The following PCSK2 variants were observed in gnomAD, a reference collection of about 807,000 sequenced individuals.
PCSK2 encodes proprotein convertase subtilisin/kexin type 2.
In PCSK2, 14 loss-of-function variants were observed where a neutral mutation model predicts 69.7. That is an observed-to-expected ratio of 0.20 (90% CI 0.13 to 0.31). PCSK2 has a LOEUF of 0.31. Ranked by LOEUF, PCSK2 falls within the 10% of genes least tolerant of loss-of-function variation. The pLI is 1.00. For synonymous variants in PCSK2, 307 were observed against 320.7 expected (o/e 0.96, Z 0.46); for missense variants, 544 against 842.5 (o/e 0.65, Z 4.39).
intron 8 of PCSK2, among the ~76,000 whole-genome samples, chr20:17,442,246 C>G (rs1328985745): frequency 6.6e-6 from 1 of 151,618 alleles, no homozygotes; most frequent in African/African-American, 2.4e-5. Flanking sequence ...GAGATGGATT[C>G]TATTCCTAGA....
chr20:17,474,482 C>A (rs1015815397), intron 11 of PCSK2, among the ~76,000 whole-genome samples: 1 of 152,200 alleles, frequency 6.6e-6, no homozygotes, highest in Non-Finnish European at 1.5e-5. Flanking sequence ...CTCCCTTGCA[C>A]CCTCTATCAC....
chr20:17,393,825 T>C (rs1232766897), intron 5 of PCSK2, among the ~76,000 whole-genome samples: 1 of 152,088 alleles, frequency 6.6e-6, no homozygotes, highest in East Asian at 1.9e-4. Flanking sequence ...TAGCTAAGTG[T>C]GGTATAAATA....
At chr20:17,466,234 T>C (rs567530751) in intron 11 of PCSK2, among the ~76,000 whole-genome samples, 2 of 152,324 alleles carry the variant, frequency 1.3e-5, no homozygotes, top group East Asian at 3.9e-4. Flanking sequence ...GCCATATTCT[T>C]ACTTCTAACT....
At chr20:17,290,125 G>A (rs1279999009) in intron 2 of PCSK2, among the ~76,000 whole-genome samples, 2 of 152,204 alleles carry the variant, frequency 1.3e-5, no homozygotes, top group Non-Finnish European at 2.9e-5. Flanking sequence ...TTTAGTGAAA[G>A]CAATTTTTTT....
rs774361715 is a variant in PCSK2 at position 17,433,812 on chromosome 20, T to TCTCTCTCTCTCTCTC, written c.710-2895_710-2894insTCTCTCTCTCTCTCC. ...CTCTCTCTCTCTCTCTCTCTCTCTC[T>TCTCTCTCTCTCTCTC]CCCCCCACTTCCTTCCCTCCTCCTC... On this transcript the variant is annotated intron_variant, in intron 7 of 11. Coordinates refer to ENST00000262545, the MANE Select transcript of PCSK2 (RefSeq NM_002594.5). 1.2e-4 allele frequency among the ~76,000 whole-genome samples: 12 copies of TCTCTCTCTCTCTCTC among 104,170 alleles called. 1 individual carries two copies. Among genetic ancestry groups the TCTCTCTCTCTCTCTC allele is most frequent in the South Asian group, 3.6e-4 (1 of 2,740 alleles). The allele number at this position is 104,170 out of a possible 152,430, so 68.3% of individuals were successfully genotyped here.
At chr20:17,477,961 C>T (rs1331353879) in intron 11 of PCSK2, among the ~76,000 whole-genome samples, 1 of 152,188 alleles carries the variant, frequency 6.6e-6, no homozygotes, top group African/African-American at 2.4e-5. Context: ...TTATTCCACT[C>T]AATTTGAACC....
At chr20:17,412,007 C>T (rs1051594861) in intron 6 of PCSK2, among the ~76,000 whole-genome samples, 9 of 152,162 alleles carry the variant, frequency 5.9e-5, no homozygotes, top group Admixed American at 2.6e-4. Context: ...GACATCCACA[C>T]GAAAACCCCA....
At chr20:17,261,343 C>G (rs879664337) in intron 2 of PCSK2, among the ~76,000 whole-genome samples, 1 of 152,160 alleles carries the variant, frequency 6.6e-6, no homozygotes, top group Non-Finnish European at 1.5e-5. Context: ...AATCTGAAAA[C>G]TCATTCTTGT....
At chr20:17,411,199 A>G (rs926486220) in intron 6 of PCSK2, among the ~76,000 whole-genome samples, 7 of 152,186 alleles carry the variant, frequency 4.6e-5, no homozygotes, top group Admixed American at 6.5e-5. Flanking sequence ...TGCATTTCCA[A>G]CTGAGGTATC....
Position 17,429,966 on chromosome 20 carries a change from A to G in PCSK2, c.709+443A>G, listed in dbSNP as rs530558942. ...ACTCTTCTGTGTCAGTGTCAATAAC[A>G]TTTTAATGAGTCTCAAATATAGACT... On this transcript the variant is annotated intron_variant, in intron 7 of 11. Transcript: ENST00000262545. Among the ~76,000 whole-genome samples the G allele has an allele frequency of 1.8e-4, 27 of 152,342 alleles. No individual in the cohort carries two copies. The South Asian group carries it at 4.6e-3, about 26-fold the overall frequency.
At chr20:17,275,723 G>T (rs1377822992) in intron 2 of PCSK2, among the ~76,000 whole-genome samples, 1 of 152,142 alleles carries the variant, frequency 6.6e-6, no homozygotes, top group Non-Finnish European at 1.5e-5. Context: ...CGTGCAGTCT[G>T]CTGGGATCCA....
At position 17,482,059 on chromosome 20, in the gene PCSK2, A is replaced by C. The variant is rs2033413184; in HGVS notation, c.1906A>C (p.Asn636His). 3.1e-6 allele frequency: 5 copies of C among 1,589,178 alleles called. No individual in the cohort carries two copies. The South Asian group carries it at 5.8e-5, about 18-fold the overall frequency. The change falls in exon 12 of 12, where the codon AAC becomes CAC. Residue 636 changes from asparagine (N) to histidine (H), a missense_variant. By Grantham distance (68) the Asn-to-His change is moderately conservative (BLOSUM62 1). This residue lies in a region of PCSK2 where 200 missense variants were observed against 287.8 expected (regional missense o/e 0.69). Transcript: ENST00000262545. ...GGAGAGAAGCCTGAAAAGCATCCTT[A>C]ACAAGAACTAGCGCTGCACATCCGC... ...AVERSLKSILNKN is the reference protein window; with the variant it reads ...AVERSLKSILHKN
At chr20:17,369,454 A>T (rs991244767) in intron 5 of PCSK2, among the ~76,000 whole-genome samples, 177 bp downstream of exon 5, 4 of 152,184 alleles carry the variant, frequency 2.6e-5, no homozygotes, top group Non-Finnish European at 2.9e-5. Context: ...GCACACATGG[A>T]GGAACACACA....
At chr20:17,470,625 A>T (rs1406230086) in intron 11 of PCSK2, among the ~76,000 whole-genome samples, 12 of 152,238 alleles carry the variant, frequency 7.9e-5, no homozygotes, top group Non-Finnish European at 1.5e-4. Flanking sequence ...TCTCTCGGAA[A>T]GTCACTGGGA....
intron 2 of PCSK2, among the ~76,000 whole-genome samples, chr20:17,353,286 C>A (rs1188654184): frequency 8.6e-6 from 1 of 116,622 alleles, no homozygotes; most frequent in Non-Finnish European, 1.8e-5. Context: ...CACTGTGAAA[C>A]CCTGTCTCCA....
chr20:17,404,851 T>C (rs924895721), intron 5 of PCSK2, among the ~76,000 whole-genome samples: 1 of 152,168 alleles, frequency 6.6e-6, no homozygotes, highest in Admixed American at 6.5e-5. Context: ...TTAGGCTTTG[T>C]GGGGTTTTGT....
intron 2 of PCSK2, among the ~76,000 whole-genome samples, chr20:17,275,084 C>CATATATATATATATATATAT (rs11474649): frequency 4.9e-5 from 7 of 141,536 alleles, no homozygotes; most frequent in African/African-American, 1.0e-4. Context: ...ATTATTTATA[C>CATATATATATATATATATAT]ATATATATAT....
chr20:17,264,190 A>C (rs192790359), intron 2 of PCSK2, among the ~76,000 whole-genome samples: 37 of 152,358 alleles, frequency 2.4e-4, no homozygotes, highest in Non-Finnish European at 4.0e-4. Context: ...AAGGACTCAT[A>C]ATTCTATGAG....
chr20:17,240,572 C>A (rs1986528801), intron 1 of PCSK2, among the ~76,000 whole-genome samples: 1 of 152,156 alleles, frequency 6.6e-6, no homozygotes, highest in Non-Finnish European at 1.5e-5. Flanking sequence ...CAAGGGAAGG[C>A]AGGCAGTGCA....
Sources: allele counts gnomAD v4.1 joint callset (sites outside exome capture counted in the v4.1 genomes callset), GRCh38; gene constraint gnomAD v4.1.1; regional missense constraint gnomAD v4.1.1; transcripts MANE v1.5; gene names NCBI Gene and HGNC (gene_info 2026-07-23, HGNC 2026-07-21).